IFNAR2: variants seen among roughly 807,000 people sequenced by gnomAD.
IFNAR2 encodes the protein interferon alpha and beta receptor subunit 2, also known as interferon alpha/beta receptor 2.
IFNAR2 carries 30 observed loss-of-function variants against 49.4 expected under a neutral mutation model. The ratio of observed to expected loss-of-function variants is 0.61; its 90% CI spans 0.45 to 0.82. The LOEUF is 0.82. Ranked by LOEUF, IFNAR2 falls within the 40% of genes least tolerant of loss-of-function variation. IFNAR2 has a pLI of 0.00. For missense variants in IFNAR2, 600 were observed against 622.7 expected, an observed-to-expected ratio of 0.96 and a Z score of 0.39; for synonymous variants, 224 against 234.5, an observed-to-expected ratio of 0.96 and a Z score of 0.41.
chr21:33,231,635 T>G, intron 1 of IFNAR2: 1 of 958,676 alleles, frequency 1.0e-6, no homozygotes, highest in Non-Finnish European at 1.2e-6. Context: ...AAAGCCACAT[T>G]GGACTCATTT....
At chr21:33,243,632 G>A in intron 2 of IFNAR2, 41 bp from the exon 3 acceptor site, 1 of 1,564,090 alleles carries the variant, frequency 6.4e-7, no homozygotes, top group Non-Finnish European at 8.8e-7. Context: ...GTTGAGCCCA[G>A]ATAAAACTAT....
chr21:33,238,751 C>T (rs1399874384), intron 1 of IFNAR2, among the ~76,000 whole-genome samples: 1 of 146,544 alleles, frequency 6.8e-6, no homozygotes, highest in Non-Finnish European at 1.5e-5. Context: ...AGATGTGACT[C>T]ATATCACAGT....
intron 6 of IFNAR2, among the ~76,000 whole-genome samples, chr21:33,251,254 G>T (rs1385449415): frequency 6.6e-6 from 1 of 152,228 alleles, no homozygotes; most frequent in Non-Finnish European, 1.5e-5. Context: ...AGAAGCAGGT[G>T]AGAGTGATGT....
At chr21:33,241,144 A>G (rs943834448) in intron 1 of IFNAR2, among the ~76,000 whole-genome samples, 3 of 152,216 alleles carry the variant, frequency 2.0e-5, no homozygotes, top group South Asian at 4.1e-4. Flanking sequence ...TTTCACCACT[A>G]TGCAATATAT....
intron 6 of IFNAR2, among the ~76,000 whole-genome samples, chr21:33,249,897 C>G (rs1461228926): frequency 6.6e-6 from 1 of 152,066 alleles, no homozygotes; most frequent in Admixed American, 6.6e-5. Flanking sequence ...CTGGAGTGAC[C>G]AGGCAGGAGA....
Position 33,230,669 on chromosome 21 carries a change from G to T in IFNAR2, c.-84+453G>T. 1 of 458,002 alleles carries T rather than the reference G, an allele frequency of 2.2e-6. No individual in the cohort carries two copies. 28.4% of individuals were successfully genotyped at this position (458,002 alleles called of 1,614,324 possible). ...GGGATCTCCAGCCCGCCCCCTTGAG[G>T]TCCCCTGGGATTAGCCCCCCTCGAC... On this transcript the variant is annotated intron_variant, in intron 1 of 8. Transcript: ENST00000342136. This position sits in a 1 kb window ranked among gnomAD's most constrained non-coding sequence, Gnocchi z 5.5.
At chr21:33,247,836 G>A (rs554808553) in intron 5 of IFNAR2, among the ~76,000 whole-genome samples, 37 of 152,304 alleles carry the variant, frequency 2.4e-4, no homozygotes, top group Non-Finnish European at 4.9e-4. Flanking sequence ...GGGTGTGCAC[G>A]TGCTCATACA....
chr21:33,243,697 T>C lies in IFNAR2; in HGVS notation c.80T>C (p.Ile27Thr), dbSNP rs1987172547. Reference protein sequence around the residue: ...LMVYISLVFGISYDSPDYTDE... With the variant: ...LMVYISLVFGTSYDSPDYTDE... ...GTGTATATCAGCCTCGTGTTTGGTA[T>C]TTCATATGATTCGCCTGGTAAGAGA... Residue 27 changes from isoleucine to threonine, a missense_variant, in exon 3 of 9, where the codon ATT becomes ACT. Transcript: ENST00000342136. The C allele has an allele frequency of 1.2e-6, 2 of 1,613,380 alleles. No individual in the cohort carries two copies. Among genetic ancestry groups the C allele is most frequent in the Non-Finnish European group, 1.7e-6 (2 of 1,179,302 alleles).
intron 1 of IFNAR2, among the ~76,000 whole-genome samples, chr21:33,232,485 A>G (rs891803460): frequency 6.6e-6 from 1 of 152,152 alleles, no homozygotes; most frequent in Admixed American, 6.5e-5. Flanking sequence ...GGGTTTTATC[A>G]TCTGGTACGT....
At chr21:33,245,851 A>G (rs892298304) in intron 4 of IFNAR2, among the ~76,000 whole-genome samples, 9 of 152,156 alleles carry the variant, frequency 5.9e-5, no homozygotes, top group Non-Finnish European at 1.2e-4. Flanking sequence ...CTCTGCATTG[A>G]GTGGTCACAT....
chr21:33,263,656 A>C lies in IFNAR2; in HGVS notation c.*156A>C. The C allele has an allele frequency of 3.1e-6, 2 of 644,680 alleles. No homozygotes were observed. Among genetic ancestry groups the C allele is most frequent in the East Asian group, 5.5e-5 (2 of 36,572 alleles). 39.9% of individuals were successfully genotyped at this position (644,680 alleles called of 1,614,324 possible). A position where few individuals can be genotyped will look rare whatever the true frequency, so the allele number is the denominator to read the frequency against. ...CTTCCAGGTGACATCACCTATGCAC[A>C]TTCCCAGTATGGGGACCATAGTATC... On this transcript the variant is annotated 3_prime_UTR_variant, in exon 9 of 9. Transcript: ENST00000342136.
chr21:33,232,086 C>T (rs1199131421), intron 1 of IFNAR2, among the ~76,000 whole-genome samples: 2 of 152,190 alleles, frequency 1.3e-5, no homozygotes, highest in South Asian at 2.1e-4. Context: ...GATGCACTTT[C>T]ATTTTATGTA....
chr21:33,231,072 G>T (rs2123432697), intron 1 of IFNAR2, among the ~76,000 whole-genome samples: 1 of 152,162 alleles, frequency 6.6e-6, no homozygotes, highest in East Asian at 1.9e-4. Flanking sequence ...ATGCTTGGGC[G>T]TTGATTCAGT....
In IFNAR2 at chr21:33,262,913, G is replaced by A. The variant is rs1988734602; in HGVS notation, c.961G>A (p.Glu321Lys). ...KKVWDYNYDD[E>K]SDSDTEAAPR... Reference sequence around the variant, plus strand: ...AGTGTGGGATTATAATTATGATGATGAAAGTGATAGCGATACTGAGGCAGC... The same window carrying A: ...AGTGTGGGATTATAATTATGATGATAAAAGTGATAGCGATACTGAGGCAGC... The change falls in exon 9 of 9, where the codon GAA becomes AAA. Residue 321 changes from glutamate to lysine, a missense_variant. Physicochemically the swap from Glu to Lys is moderately conservative, Grantham distance 56. Coordinates refer to ENST00000342136, the MANE Select transcript of IFNAR2 (RefSeq NM_001289125.3). 6.2e-7 allele frequency: 1 copy of A among 1,614,054 alleles called. No homozygotes were observed. Among genetic ancestry groups the A allele is most frequent in the Admixed American group, 1.7e-5 (1 of 59,998 alleles).
At chr21:33,233,878 T>C (rs1340142475) in intron 1 of IFNAR2, among the ~76,000 whole-genome samples, 2 of 151,942 alleles carry the variant, frequency 1.3e-5, no homozygotes, top group Non-Finnish European at 2.9e-5. Context: ...TAGAATGCGA[T>C]TGTTATTAAT....
intron 1 of IFNAR2, among the ~76,000 whole-genome samples, chr21:33,231,088 G>GAA (rs1028508956): frequency 1.3e-5 from 2 of 152,098 alleles, no homozygotes; most frequent in African/African-American, 2.4e-5. Context: ...TCAGTGGTGA[G>GAA]AAGTGCCGGA....
At chr21:33,246,067 C>T (rs960349435) in intron 4 of IFNAR2, among the ~76,000 whole-genome samples, 5 of 148,662 alleles carry the variant, frequency 3.4e-5, no homozygotes, top group African/African-American at 7.5e-5. Flanking sequence ...TTTACTCATC[C>T]GGCAATTTTT....
intron 7 of IFNAR2, among the ~76,000 whole-genome samples, chr21:33,257,846 C>T (rs1376172724): frequency 6.6e-6 from 1 of 152,192 alleles, no homozygotes; most frequent in African/African-American, 2.4e-5. Context: ...CCACAGCATC[C>T]ACCACAGATG....
chr21:33,243,470 T>C (rs1313579640), intron 2 of IFNAR2, among the ~76,000 whole-genome samples: 2 of 152,216 alleles, frequency 1.3e-5, no homozygotes, highest in African/African-American at 4.8e-5. Flanking sequence ...GATCTTATTT[T>C]ATCTCAGATC....
Sources: gnomAD v4.1 joint callset for allele counts (sites outside exome capture counted in the v4.1 genomes callset) on GRCh38, gnomAD v4.1.1 for gene constraint, Gnocchi (gnomAD v3.1) non-coding constraint, MANE v1.5 for transcripts, NCBI Gene and HGNC (gene_info 2026-07-23, HGNC 2026-07-21) for gene names.